NEIL2: variants seen among roughly 807,000 people sequenced by gnomAD.
NEIL2 encodes endonuclease 8-like 2.
A neutral mutation model predicts 22.2 loss-of-function variants in NEIL2; 23 were observed. The observed-to-expected ratio is 1.04, with a 90% CI of 0.75 to 1.47. NEIL2 has a LOEUF of 1.47. Ranked by LOEUF, NEIL2 falls within the 40% of genes most tolerant of loss-of-function variation. The pLI, the probability that NEIL2 is intolerant of heterozygous loss-of-function variation, is 0.00. For synonymous variants in NEIL2, 229 were observed against 164.8 expected (o/e 1.39, Z -2.99); for missense variants, 583 against 404.7 (o/e 1.44, Z -3.78).
chr8:11,774,247 C>T (rs189810960), intron 2 of NEIL2, among the ~76,000 whole-genome samples: 1,542 of 152,094 alleles, frequency 0.01, 13 homozygotes, highest in Non-Finnish European at 0.016. Flanking sequence ...TGGTGGTGGG[C>T]GCCTGTAATC....
chr8:11,784,928 G>A (rs1408164291), intron 4 of NEIL2, among the ~76,000 whole-genome samples: 1 of 152,144 alleles, frequency 6.6e-6, no homozygotes, highest in Non-Finnish European at 1.5e-5. Context: ...GAGTGCAGTG[G>A]CACAATCACA....
intron 3 of NEIL2, chr8:11,782,851 G>T: frequency 2.7e-6 from 1 of 372,684 alleles, no homozygotes. Context: ...ACGATGTGGG[G>T]ATGTGTGTAT....
chr8:11,775,551 G>A (rs1324429694), intron 2 of NEIL2, among the ~76,000 whole-genome samples: 1 of 152,170 alleles, frequency 6.6e-6, no homozygotes. Context: ...TTGACTCCTA[G>A]TTACTTATGC....
rs1804605686 is a variant in NEIL2, at chr8:11,783,286, C to A, written c.575C>A (p.Pro192His). 3 of 1,613,766 alleles carry A rather than the reference C, an allele frequency of 1.9e-6. No homozygotes were observed. Among genetic ancestry groups the A allele is most frequent in the Non-Finnish European group, 2.5e-6 (3 of 1,179,768 alleles). ...TGGAGCTCTTCCCCAGTGGTCACAC[C>A]CACCTGTGACATCCTGTCTGAGAAG... ...LSWSSSPVVT[P>H]TCDILSEKFH... The change falls in exon 4 of 5, where the codon CCC (proline) becomes CAC (histidine). Residue 192 changes from proline (P) to histidine (H), a missense_variant. By Grantham distance (77) the Pro-to-His change is moderately conservative (BLOSUM62 -2). Coordinates refer to ENST00000284503, the MANE Select transcript of NEIL2 (RefSeq NM_145043.4).
intron 2 of NEIL2, among the ~76,000 whole-genome samples, chr8:11,777,817 G>A (rs1178817834): frequency 6.6e-6 from 1 of 152,252 alleles, no homozygotes; most frequent in African/African-American, 2.4e-5. Context: ...AGCCTGGAAA[G>A]TCCAAGGGCA....
intron 2 of NEIL2, among the ~76,000 whole-genome samples, chr8:11,778,290 G>GT (rs34908835): frequency 3.0e-4 from 39 of 130,280 alleles, no homozygotes; most frequent in African/African-American, 8.9e-4. Flanking sequence ...TCCTTGCTCA[G>GT]TTTTTTTTTT....
Position 11,769,831 on chromosome 8 carries a change from G to A in NEIL2, c.-507G>A, listed in dbSNP as rs1044265802. ...CCGCCCTCCGGTAGATCTGCGGCCT[G>A]GCGGAGAAGTCGGGAGGGGACAGGA... On this transcript the variant is annotated 5_prime_UTR_variant, in exon 1 of 5. Coordinates refer to ENST00000284503, the MANE Select transcript of NEIL2 (RefSeq NM_145043.4). The A allele has an allele frequency of 6.6e-6, 1 of 152,388 alleles. No individual in the cohort carries two copies. Among genetic ancestry groups the A allele is most frequent in the African/African-American group, 2.4e-5 (1 of 41,466 alleles). The allele number at this position is 152,388 out of a possible 1,614,324, so 9.4% of individuals were successfully genotyped here.
chr8:11,783,363 T>C lies in NEIL2; in HGVS notation c.652T>C (p.Tyr218His), dbSNP rs968421309. ...TCTAGGCCAGGCTCAGCCTGTCTGC[T>C]ATACACTGCTGGACCAGAGATACTT... Reference protein sequence around the residue: ...EALGQAQPVCYTLLDQRYFSG... With the variant: ...EALGQAQPVCHTLLDQRYFSG... Residue 218 changes from tyrosine to histidine, a missense_variant, in exon 4 of 5, where the codon TAT becomes CAT. Tyr to His is a moderately conservative substitution (Grantham distance 83). Transcript: ENST00000284503. 6 of 1,614,220 alleles carry C rather than the reference T, an allele frequency of 3.7e-6. No individual in the cohort carries two copies. In the Middle Eastern group the frequency reaches 6.6e-4, roughly 178 times the overall value.
intron 2 of NEIL2, among the ~76,000 whole-genome samples, chr8:11,771,818 T>A (rs1803473414): frequency 6.6e-6 from 1 of 151,998 alleles, no homozygotes; most frequent in African/African-American, 2.4e-5. Flanking sequence ...ATTCAGAGGG[T>A]CTGGAGTGCT....
In NEIL2 at chr8:11,786,592, G is replaced by T; in HGVS notation, c.*319G>T. On this transcript the variant is annotated 3_prime_UTR_variant, in exon 5 of 5. Coordinates refer to ENST00000284503, the MANE Select transcript of NEIL2 (RefSeq NM_145043.4). The stretch of plus-strand genomic sequence containing the variant: ...AGGAAAAAGAAAGCCTATGGGAAAT[G>T]GCTGTGCTCCCAACATAGCTTTGCA... 1 of 416,282 alleles carries T rather than the reference G, an allele frequency of 2.4e-6. No homozygotes were observed. Among genetic ancestry groups the T allele is most frequent in the South Asian group, 2.4e-5 (1 of 42,336 alleles). The allele number at this position is 416,282 out of a possible 1,614,324, so 25.8% of individuals were successfully genotyped here.
At chr8:11,771,368 G>A in intron 1 of NEIL2, 78 bp from the exon 2 acceptor site, 2 of 1,581,142 alleles carry the variant, frequency 1.3e-6, no homozygotes, top group South Asian at 1.1e-5. Flanking sequence ...GCGGCATGGA[G>A]GATGCTTGGC....
In NEIL2 at chr8:11,771,468, GA is replaced by G. The variant is rs1338943514; in HGVS notation, c.22del (p.Arg8GlyfsTer51). Reference sequence around the variant, plus strand: ...CAGGGATGCCAGAAGGGCCGTTGGTGAGGAAATTTCACCATTTGGTCTCCCC... The same window carrying G: ...CAGGGATGCCAGAAGGGCCGTTGGTGGGAAATTTCACCATTTGGTCTCCCC... MPEGPLV[R>X]KFHHLVSPFV... On this transcript the variant is annotated frameshift_variant, in exon 2 of 5. Transcript: ENST00000284503. LOFTEE classifies it high-confidence loss of function. 5 of 1,614,020 alleles carry G rather than the reference GA, an allele frequency of 3.1e-6. No individual in the cohort carries two copies. The Admixed American group carries it at 6.7e-5, about 22-fold the overall frequency.
intron 2 of NEIL2, among the ~76,000 whole-genome samples, chr8:11,772,018 CATG>C (rs8191537): frequency 0.029 from 4,421 of 152,158 alleles, 201 homozygotes; most frequent in African/African-American, 0.1. Flanking sequence ...GCCTGGCTAA[CATG>C]ATGAAACCCC....
At chr8:11,771,301 C>T (rs1387317679) in intron 1 of NEIL2, 145 bp from the exon 2 acceptor site, 1 of 982,698 alleles carries the variant, frequency 1.0e-6, no homozygotes, top group African/African-American at 1.6e-5. Flanking sequence ...GACCGCCTCC[C>T]AGCCACACTC....
rs760384701 is a variant in NEIL2 at position 11,779,911 on chromosome 8, A to T, written c.452A>T (p.Lys151Ile). The stretch of plus-strand genomic sequence containing the variant: ...GTGAACGATTTCTCCAGAGCCAAGA[A>T]AGCCAACAAGAGGGGGGACTGGAGG... ...VWVNDFSRAK[K>I]ANKRGDWRDP... Residue 151 changes from lysine (K) to isoleucine (I), a missense_variant, in exon 3 of 5, where the codon AAA becomes ATA. By Grantham distance (102) the Lys-to-Ile change is moderately radical. Coordinates refer to ENST00000284503, the MANE Select transcript of NEIL2 (RefSeq NM_145043.4). 1 of 1,614,134 alleles carries T rather than the reference A, an allele frequency of 6.2e-7. No individual in the cohort carries two copies. The highest frequency in any genetic ancestry group is 1.3e-5 in the African/African-American group (1 of 75,028).
chr8:11,778,441 G>T (rs1372984010), intron 2 of NEIL2, among the ~76,000 whole-genome samples: 2 of 152,028 alleles, frequency 1.3e-5, no homozygotes, highest in Non-Finnish European at 2.9e-5. Context: ...ATTAATTTGT[G>T]TACTAATTAA....
In NEIL2 at chr8:11,769,931, T is replaced by G. The variant is rs1296864382; in HGVS notation, c.-407T>G. ...GCTGCCCACGCCTGGAGGCCCCCACTGACCCTCAGACCCGCGTCTGCGCCC... is the reference window on the plus strand; with the variant it reads ...GCTGCCCACGCCTGGAGGCCCCCACGGACCCTCAGACCCGCGTCTGCGCCC... On this transcript the variant is annotated 5_prime_UTR_variant, in exon 1 of 5. Transcript: ENST00000284503. 6.6e-6 allele frequency: 1 copy of G among 152,356 alleles called. No homozygotes were observed. The highest frequency in any genetic ancestry group is 6.5e-5 in the Admixed American group (1 of 15,284). The allele number at this position is 152,356 out of a possible 1,614,324, so 9.4% of individuals were successfully genotyped here.
intron 2 of NEIL2, among the ~76,000 whole-genome samples, chr8:11,773,278 A>G (rs147640452): frequency 7.2e-5 from 11 of 152,266 alleles, no homozygotes; most frequent in African/African-American, 2.2e-4. Flanking sequence ...CGTAGACGGG[A>G]CTGGGAGCTG....
At chr8:11,783,719 C>G (rs535242842) in intron 4 of NEIL2, among the ~76,000 whole-genome samples, 1 of 152,226 alleles carries the variant, frequency 6.6e-6, no homozygotes, top group African/African-American at 2.4e-5. Context: ...CTCCACTGCA[C>G]AGTGCAGCGC....
Sources: gnomAD v4.1 joint callset for allele counts (sites outside exome capture counted in the v4.1 genomes callset) on GRCh38, gnomAD v4.1.1 for gene constraint, MANE v1.5 for transcripts, NCBI Gene and HGNC (gene_info 2026-07-23, HGNC 2026-07-21) for gene names.